NKAIN2: variants seen among roughly 807,000 people sequenced by gnomAD.
NKAIN2 encodes sodium/potassium-transporting ATPase subunit beta-1-interacting protein 2.
NKAIN2 carries 14 observed loss-of-function variants against 32.6 expected under a neutral mutation model. The observed-to-expected ratio is 0.43, with a 90% CI of 0.28 to 0.67. The LOEUF is 0.67. NKAIN2 is among the 30% of genes least tolerant of loss of function. The probability of loss-of-function intolerance (pLI) is 0.17; values close to 1 mark genes in which losing one functional copy is unlikely to be tolerated. For synonymous variants in NKAIN2, 80 were observed against 87.2 expected, an observed-to-expected ratio of 0.92 and a Z score of 0.46; for missense variants, 198 against 258.3, an observed-to-expected ratio of 0.77 and a Z score of 1.60.
chr6:124,107,684 G>A (rs566329698), intron 1 of NKAIN2, among the ~76,000 whole-genome samples: 2 of 152,172 alleles, frequency 1.3e-5, no homozygotes, highest in African/African-American at 4.8e-5. Context: ...TCATTGAACA[G>A]CAATCTCTTA....
rs1340105260 is a variant in NKAIN2, at chr6:124,098,444, GT to G, written c.55-184558del. Reference sequence around the variant, plus strand: ...ATACTGAGTAATTAAATAATACACTGTTTCTAGTTAATATCAACAATATACA... The same window carrying G: ...ATACTGAGTAATTAAATAATACACTGTTCTAGTTAATATCAACAATATACA... On this transcript the variant is annotated intron_variant, in intron 1 of 6. Coordinates refer to ENST00000368417, the MANE Select transcript of NKAIN2 (RefSeq NM_001040214.3). 2.0e-5 allele frequency among the ~76,000 whole-genome samples: 3 copies of G among 152,080 alleles called. No homozygotes were observed. In the South Asian group the frequency reaches 6.2e-4, roughly 31 times the overall value.
intron 3 of NKAIN2, among the ~76,000 whole-genome samples, chr6:124,647,269 G>C (rs1259048166): frequency 6.6e-6 from 1 of 151,718 alleles, no homozygotes; most frequent in Non-Finnish European, 1.5e-5. Context: ...ACTTCAGTCT[G>C]GGTGTGGTGG....
intron 3 of NKAIN2, among the ~76,000 whole-genome samples, chr6:124,410,879 G>A (rs1470320808): frequency 6.6e-6 from 1 of 152,138 alleles, no homozygotes; most frequent in East Asian, 1.9e-4. Flanking sequence ...TGTATTGGGT[G>A]CATATATATT....
chr6:123,976,927 G>A (rs985333514), intron 1 of NKAIN2, among the ~76,000 whole-genome samples: 8 of 146,148 alleles, frequency 5.5e-5, no homozygotes, highest in African/African-American at 2.0e-4. Flanking sequence ...TAATAGTAAT[G>A]TTCACTGTCC....
intron 1 of NKAIN2, among the ~76,000 whole-genome samples, chr6:123,904,236 A>G (rs1774746583): frequency 6.6e-6 from 1 of 152,180 alleles, no homozygotes; most frequent in Non-Finnish European, 1.5e-5. Flanking sequence ...TGCTTAAAAA[A>G]AAAAGAAAAA....
intron 3 of NKAIN2, among the ~76,000 whole-genome samples, chr6:124,409,274 T>C (rs1774029452): frequency 6.6e-6 from 1 of 152,268 alleles, no homozygotes; most frequent in African/African-American, 2.4e-5. Flanking sequence ...CTTGTGCCAG[T>C]TTTCAAAGGG....
chr6:124,206,941 C>G (rs993982308), intron 1 of NKAIN2, among the ~76,000 whole-genome samples: 1 of 151,660 alleles, frequency 6.6e-6, no homozygotes, highest in African/African-American at 2.4e-5. Flanking sequence ...TCTCCTCTCT[C>G]CATTAAAAAG....
chr6:124,487,120 T>G (rs1777684434), intron 3 of NKAIN2, among the ~76,000 whole-genome samples: 1 of 152,238 alleles, frequency 6.6e-6, no homozygotes, highest in Admixed American at 6.6e-5. Flanking sequence ...TTAATGTCCA[T>G]TTTCATTAAT....
intron 3 of NKAIN2, among the ~76,000 whole-genome samples, chr6:124,567,113 A>C (rs1436021102): frequency 4.6e-5 from 7 of 152,154 alleles, no homozygotes. Context: ...CATATCGCAA[A>C]AACTCTTGAC....
At chr6:124,250,468 T>C (rs900665287) in intron 1 of NKAIN2, among the ~76,000 whole-genome samples, 2 of 152,098 alleles carry the variant, frequency 1.3e-5, no homozygotes, top group Non-Finnish European at 2.9e-5. Flanking sequence ...ATAATCACAT[T>C]ATTAAATTAC....
At chr6:124,696,533 A>G (rs551439590) in intron 4 of NKAIN2, among the ~76,000 whole-genome samples, 1 of 152,166 alleles carries the variant, frequency 6.6e-6, no homozygotes, top group East Asian at 1.9e-4. Context: ...CAAAAAATGG[A>G]TGTTCCTCTT....
At chr6:124,082,462 A>G (rs995361594) in intron 1 of NKAIN2, among the ~76,000 whole-genome samples, 1 of 152,056 alleles carries the variant, frequency 6.6e-6, no homozygotes, top group African/African-American at 2.4e-5. Flanking sequence ...CTTCAATACT[A>G]TTTAAATTGA....
chr6:124,031,655 A>G (rs1213931393), intron 1 of NKAIN2, among the ~76,000 whole-genome samples: 1 of 152,030 alleles, frequency 6.6e-6, no homozygotes, highest in Non-Finnish European at 1.5e-5. Flanking sequence ...TCCTGCCTTC[A>G]TTTTGTTATG....
At chr6:124,448,252 A>G (rs1475008629) in intron 3 of NKAIN2, among the ~76,000 whole-genome samples, 1 of 152,080 alleles carries the variant, frequency 6.6e-6, no homozygotes, top group Non-Finnish European at 1.5e-5. Context: ...TCTGCTCATT[A>G]TCTTCTATGT....
At position 123,900,548 on chromosome 6, in the gene NKAIN2, T is replaced by TTTTG. The variant is rs1774527452; in HGVS notation, c.54+96297_54+96298insGTTT. Among the ~76,000 whole-genome samples the TTTTG allele has an allele frequency of 2.2e-4, 22 of 102,318 alleles. 1 individual carries two copies. Among genetic ancestry groups the TTTTG allele is most frequent in the African/African-American group, 1.6e-3 (22 of 13,824 alleles). 67.1% of individuals were successfully genotyped at this position (102,318 alleles called of 152,430 possible). ...TCCAGATTAGTTTTTTTTTTTTTTT[T>TTTTG]TTTTTTTTTTTTTTTTTTTTTGGTG... On this transcript the variant is annotated intron_variant, in intron 1 of 6. Coordinates refer to ENST00000368417, the MANE Select transcript of NKAIN2 (RefSeq NM_001040214.3).
intron 4 of NKAIN2, among the ~76,000 whole-genome samples, chr6:124,743,621 G>A (rs1255389803): frequency 1.3e-5 from 2 of 151,834 alleles, no homozygotes; most frequent in Non-Finnish European, 2.9e-5. Context: ...CCCTCTCTGA[G>A]ATATGTGCAA....
chr6:124,343,659 C>T lies in NKAIN2; in HGVS notation c.193-11608C>T, dbSNP rs1467139163. 2.0e-5 allele frequency among the ~76,000 whole-genome samples: 3 copies of T among 149,092 alleles called. No homozygotes were observed. In the South Asian group the frequency reaches 6.7e-4, roughly 33 times the overall value. On this transcript the variant is annotated intron_variant, in intron 2 of 6. Coordinates refer to ENST00000368417, the MANE Select transcript of NKAIN2 (RefSeq NM_001040214.3). ...GAGAAGTGTCTGTTGATATCCTTCG[C>T]CCACTTTTTGATGGGGTTGTTTGTT...
At chr6:124,498,707 A>T (rs1196571084) in intron 3 of NKAIN2, among the ~76,000 whole-genome samples, 1 of 152,148 alleles carries the variant, frequency 6.6e-6, no homozygotes, top group Non-Finnish European at 1.5e-5. Context: ...TATGTCTGAG[A>T]TTATCTTATC....
At chr6:123,962,372 A>G (rs1369379601) in intron 1 of NKAIN2, among the ~76,000 whole-genome samples, 2 of 152,162 alleles carry the variant, frequency 1.3e-5, no homozygotes, top group Non-Finnish European at 2.9e-5. Context: ...GACTATCATC[A>G]TTTCAAAGAT....
Sources: allele counts gnomAD v4.1 joint callset (sites outside exome capture counted in the v4.1 genomes callset), GRCh38; gene constraint gnomAD v4.1.1; transcripts MANE v1.5; gene names NCBI Gene and HGNC (gene_info 2026-07-23, HGNC 2026-07-21).